The following HEPHL1 variants were observed in gnomAD, a reference collection of about 807,000 sequenced individuals.
HEPHL1 encodes hephaestin like 1, also known as ferroxidase HEPHL1.
In HEPHL1, 123 loss-of-function variants were observed where a neutral mutation model predicts 122.0. That is an observed-to-expected ratio of 1.01 (90% CI 0.87 to 1.17). The LOEUF (loss-of-function observed/expected upper bound fraction) is 1.17. Ranked by LOEUF, HEPHL1 falls within the 50% of genes most tolerant of loss-of-function variation. HEPHL1 has a pLI of 0.00. For synonymous variants in HEPHL1, 527 were observed against 508.9 expected, an observed-to-expected ratio of 1.04 and a Z score of -0.48; for missense variants, 1,452 against 1,430.5, an observed-to-expected ratio of 1.01 and a Z score of -0.24.
chr11:94,035,618 T>C (rs1945713567), intron 1 of HEPHL1, among the ~76,000 whole-genome samples: 2 of 152,354 alleles, frequency 1.3e-5, no homozygotes, highest in East Asian at 1.9e-4. Context: ...ACATTAGGTA[T>C]ATCCTGGGAG....
intron 9 of HEPHL1, among the ~76,000 whole-genome samples, chr11:94,077,634 C>G (rs546333944): frequency 6.6e-6 from 1 of 152,228 alleles, no homozygotes; most frequent in Non-Finnish European, 1.5e-5. Flanking sequence ...CATGATTTTT[C>G]TAAAGTGCAA....
At chr11:94,074,543 A>C (rs1246649532) in intron 8 of HEPHL1, among the ~76,000 whole-genome samples, 2 of 152,192 alleles carry the variant, frequency 1.3e-5, no homozygotes, top group Non-Finnish European at 2.9e-5. Context: ...CTTTTTGCAG[A>C]GCACTGGATA....
intron 12 of HEPHL1, among the ~76,000 whole-genome samples, chr11:94,092,762 AAT>A (rs1252411071): frequency 2.6e-5 from 4 of 152,258 alleles, no homozygotes; most frequent in African/African-American, 4.8e-5. Context: ...ATATATATTA[AAT>A]AAAGTGTGTT....
Position 94,067,718 on chromosome 11 carries a change from T to C in HEPHL1, c.1031T>C (p.Met344Thr). 3 of 1,613,690 alleles carry C rather than the reference T, an allele frequency of 1.9e-6. No homozygotes were observed. Among genetic ancestry groups the C allele is most frequent in the African/African-American group, 2.7e-5 (2 of 75,024 alleles). The part of the protein sequence containing the change: ...EMIAENPGKW[M>T]ITCQVSDHLQ... ...ATAGCCGAGAATCCTGGGAAGTGGA[T>C]GATAACCTGCCAGGTCAGCGACCAC... Residue 344 changes from methionine to threonine, a missense_variant, in exon 5 of 20, where the codon ATG (methionine) becomes ACG (threonine). By Grantham distance (81) the Met-to-Thr change is moderately conservative (BLOSUM62 -1). Coordinates refer to ENST00000315765, the MANE Select transcript of HEPHL1 (RefSeq NM_001098672.2).
intron 13 of HEPHL1, among the ~76,000 whole-genome samples, chr11:94,100,266 A>G (rs1946357512): frequency 6.6e-6 from 1 of 152,260 alleles, no homozygotes; most frequent in Non-Finnish European, 1.5e-5. Context: ...CCATGGCTTG[A>G]ATCAGCAAGG....
intron 10 of HEPHL1, among the ~76,000 whole-genome samples, chr11:94,085,007 G>A (rs1170779758): frequency 6.6e-6 from 1 of 152,162 alleles, no homozygotes; most frequent in African/African-American, 2.4e-5. Flanking sequence ...ATTTGACAAT[G>A]GGATTATAAC....
chr11:94,038,357 G>A (rs1945744671), intron 1 of HEPHL1, among the ~76,000 whole-genome samples: 1 of 127,616 alleles, frequency 7.8e-6, no homozygotes, highest in Non-Finnish European at 1.6e-5. Context: ...TCAGATTCAG[G>A]AAATACAGAG....
At position 94,065,360 on chromosome 11, in the gene HEPHL1, C is replaced by T. The variant is rs186317024; in HGVS notation, c.808+850C>T. On this transcript the variant is annotated intron_variant, in intron 4 of 19. Transcript: ENST00000315765. ...ACGTCTCCATTTTACAGAAGAGAAACTGAGGTCAAGAGACTATCAATGACT... is the reference window on the plus strand; with the variant it reads ...ACGTCTCCATTTTACAGAAGAGAAATTGAGGTCAAGAGACTATCAATGACT... Among the ~76,000 whole-genome samples, 6 of 152,254 alleles carry T rather than the reference C, an allele frequency of 3.9e-5. No individual in the cohort carries two copies. In the East Asian group the frequency reaches 1.2e-3, roughly 29 times the overall value.
intron 2 of HEPHL1, among the ~76,000 whole-genome samples, chr11:94,061,155 G>A (rs1945983019): frequency 6.6e-6 from 1 of 152,194 alleles, no homozygotes; most frequent in South Asian, 2.1e-4. Flanking sequence ...TGAGGACCAA[G>A]CTTGGTAGAG....
Position 94,097,611 on chromosome 11 carries a change from G to A in HEPHL1, c.2435-3584G>A, listed in dbSNP as rs190778422. On this transcript the variant is annotated intron_variant, in intron 13 of 19. Transcript: ENST00000315765. ...CTCATTGATCTGTCTAATGTTGACA[G>A]TGGGGTGTTAAAGTCTCCCATTATT... 9.4e-4 allele frequency among the ~76,000 whole-genome samples: 143 copies of A among 152,260 alleles called. No homozygotes were observed. The East Asian group carries it at 0.023, about 24-fold the overall frequency.
chr11:94,093,020 C>G (rs1946273583), intron 12 of HEPHL1, among the ~76,000 whole-genome samples: 1 of 151,904 alleles, frequency 6.6e-6, no homozygotes, highest in Non-Finnish European at 1.5e-5. Context: ...TGAGATCCTT[C>G]AAAGTGGAAA....
chr11:94,110,917 C>T lies in HEPHL1; in HGVS notation c.3060C>T (p.Tyr1020=). The change falls in exon 18 of 20, where the codon TAC becomes TAT. Residue 1020 remains tyrosine (Y), a synonymous_variant. Coordinates refer to ENST00000315765, the MANE Select transcript of HEPHL1 (RefSeq NM_001098672.2). ...ESFLFKIDKS[Y]REDVYDLFPG... is the part of the protein sequence containing the mutation. ...CGTTTTTGCAGATAGATAAATCTTA[C>T]CGAGAAGATGTGTATGATCTCTTTC... is the stretch of plus-strand genomic sequence containing the variant. 1.2e-6 allele frequency: 2 copies of T among 1,611,944 alleles called. No individual in the cohort carries two copies. The highest frequency in any genetic ancestry group is 2.2e-5 in the South Asian group (2 of 90,640).
At chr11:94,071,985 A>G (rs964978027) in intron 6 of HEPHL1, among the ~76,000 whole-genome samples, 1 of 152,128 alleles carries the variant, frequency 6.6e-6, no homozygotes, top group African/African-American at 2.4e-5. Flanking sequence ...CGGGATATCA[A>G]TTGCAGAGGT....
At chr11:94,030,910 A>G (rs1378216813) in intron 1 of HEPHL1, among the ~76,000 whole-genome samples, 1 of 152,040 alleles carries the variant, frequency 6.6e-6, no homozygotes, top group African/African-American at 2.4e-5. Context: ...TTCAGCCTCA[A>G]TGCCTGAGAG....
At chr11:94,111,121 C>A in intron 18 of HEPHL1, 56 bp downstream of exon 18, 2 of 1,455,388 alleles carry the variant, frequency 1.4e-6, no homozygotes, top group East Asian at 2.5e-5. Flanking sequence ...TGTAGACCCC[C>A]AAAACAGGAG....
chr11:94,035,654 G>T (rs1032892692), intron 1 of HEPHL1, among the ~76,000 whole-genome samples: 7 of 152,224 alleles, frequency 4.6e-5, no homozygotes. Flanking sequence ...CATGCGGGGT[G>T]ATAGGGGCAG....
chr11:94,074,274 C>A (rs1946102064), intron 8 of HEPHL1, among the ~76,000 whole-genome samples: 1 of 152,052 alleles, frequency 6.6e-6, no homozygotes, highest in South Asian at 2.1e-4. Flanking sequence ...CCTCTTTGGT[C>A]AAAATACCAA....
intron 12 of HEPHL1, 116 bp from the exon 13 acceptor site, chr11:94,093,385 C>T (rs994442785): frequency 8.4e-6 from 10 of 1,192,694 alleles, no homozygotes; most frequent in African/African-American, 3.1e-5. Context: ...CCAGGGAGCA[C>T]TTGATCACAG....
At position 94,078,446 on chromosome 11, in the gene HEPHL1, CATATATATATATAT is replaced by C. The variant is rs6144452; in HGVS notation, c.1716+3078_1716+3091del. 7.4e-4 allele frequency among the ~76,000 whole-genome samples: 82 copies of C among 111,504 alleles called. 2 individuals are homozygous for C. The highest frequency in any genetic ancestry group is 1.6e-3 in the Admixed American group (15 of 9,468). The allele number at this position is 111,504 out of a possible 152,430, so 73.2% of individuals were successfully genotyped here. A position where few individuals can be genotyped will look rare whatever the true frequency, so the allele number is the denominator to read the frequency against. ...GACACCAGCCACTACTCAGATGTTC[CATATATATATATAT>C]ATATATATATATATATGGAGAAAGA... On this transcript the variant is annotated intron_variant, in intron 9 of 19. Transcript: ENST00000315765.
Sources: gnomAD v4.1 joint callset for allele counts (sites outside exome capture counted in the v4.1 genomes callset) on GRCh38, gnomAD v4.1.1 for gene constraint, MANE v1.5 for transcripts, NCBI Gene and HGNC (gene_info 2026-07-23, HGNC 2026-07-21) for gene names.